The following MXI1 variants were observed in gnomAD, a reference collection of about 807,000 sequenced individuals.
MXI1 encodes MAX interactor 1, dimerization protein, also known as max-interacting protein 1.
A neutral mutation model predicts 36.9 loss-of-function variants in MXI1; 18 were observed. The ratio of observed to expected loss-of-function variants is 0.49; its 90% confidence interval spans 0.34 to 0.72. The LOEUF (loss-of-function observed/expected upper bound fraction) is 0.72. Ranked by LOEUF, MXI1 falls within the 30% of genes least tolerant of loss-of-function variation. MXI1 has a pLI of 0.01. For missense variants in MXI1, 304 were observed against 379.1 expected (o/e 0.80, Z 1.64); for synonymous variants, 160 against 146.7 (o/e 1.09, Z -0.65).
In MXI1 at chr10:110,286,029, A is replaced by G. The variant is rs1398506296; in HGVS notation, c.*1042A>G. ...TTTGATGCAGCATTTGATAATGATA[A>G]AACACCTCACACCTCACTCTTTATA... On this transcript the variant is annotated 3_prime_UTR_variant, in exon 6 of 6. Transcript: ENST00000332674. The G allele has an allele frequency of 6.6e-6, 1 of 152,642 alleles. No homozygotes were observed. Among genetic ancestry groups the G allele is most frequent in the Non-Finnish European group, 1.5e-5 (1 of 68,034 alleles). The allele number at this position is 152,642 out of a possible 1,614,324, so 9.5% of individuals were successfully genotyped here. A position where few individuals can be genotyped will look rare whatever the true frequency, so the allele number is the denominator to read the frequency against.
intron 1 of MXI1, among the ~76,000 whole-genome samples, chr10:110,209,819 C>T (rs896499002): frequency 3.9e-5 from 6 of 152,142 alleles, no homozygotes; most frequent in Non-Finnish European, 8.8e-5. Context: ...CCCCCATCCC[C>T]GGCTACCAGT....
intron 2 of MXI1, among the ~76,000 whole-genome samples, chr10:110,238,652 T>G (rs1049987090): frequency 6.6e-6 from 1 of 152,208 alleles, no homozygotes; most frequent in Non-Finnish European, 1.5e-5. Flanking sequence ...CTTAAATGCC[T>G]GGTAAAATTT....
intron 1 of MXI1, among the ~76,000 whole-genome samples, chr10:110,218,449 CAAA>C (rs5787839): frequency 2.9e-5 from 4 of 139,222 alleles, no homozygotes; most frequent in African/African-American, 2.6e-5. Context: ...GACTCCATCT[CAAA>C]AAAAAAAAAA....
At chr10:110,253,485 T>C (rs1241316078) in intron 3 of MXI1, among the ~76,000 whole-genome samples, 1 of 152,116 alleles carries the variant, frequency 6.6e-6, no homozygotes, top group African/African-American at 2.4e-5. Flanking sequence ...TTTTAAGATA[T>C]TTGTTTAAAA....
intron 1 of MXI1, chr10:110,227,555 A>G: frequency 1.0e-6 from 1 of 981,118 alleles, no homozygotes; most frequent in Non-Finnish European, 1.2e-6. Context: ...GCTGGGAGAT[A>G]AGAGGAAGGA....
intron 3 of MXI1, among the ~76,000 whole-genome samples, chr10:110,250,280 T>C (rs1477793418): frequency 6.6e-6 from 1 of 152,166 alleles, no homozygotes; most frequent in Non-Finnish European, 1.5e-5. Flanking sequence ...CAACAGGTCA[T>C]AATAGGCCTA....
At chr10:110,271,676 G>C (rs1235214931) in intron 3 of MXI1, among the ~76,000 whole-genome samples, 2 of 152,206 alleles carry the variant, frequency 1.3e-5, no homozygotes, top group Non-Finnish European at 2.9e-5. Context: ...AATGAGGCTG[G>C]AAAGGTGGTA....
chr10:110,284,485 A>C (rs1223772197), intron 5 of MXI1, among the ~76,000 whole-genome samples: 2 of 152,356 alleles, frequency 1.3e-5, no homozygotes, highest in East Asian at 3.9e-4. Context: ...TTGTGGTTTA[A>C]TGCAAAACAG....
chr10:110,213,949 G>A (rs988125142), intron 1 of MXI1, among the ~76,000 whole-genome samples: 1 of 152,202 alleles, frequency 6.6e-6, no homozygotes, highest in Non-Finnish European at 1.5e-5. Flanking sequence ...CAAGTATGGG[G>A]CTATGCATTC....
intron 3 of MXI1, among the ~76,000 whole-genome samples, chr10:110,260,214 G>T (rs1254191603): frequency 1.3e-5 from 2 of 151,970 alleles, no homozygotes; most frequent in Admixed American, 6.6e-5. Flanking sequence ...CTACTGATAG[G>T]TTGTGAATGT....
intron 3 of MXI1, among the ~76,000 whole-genome samples, chr10:110,246,000 TA>T (rs1167270950): frequency 6.6e-6 from 1 of 151,794 alleles, no homozygotes; most frequent in Admixed American, 6.6e-5. Context: ...ATTGTAAGAG[TA>T]AAATACTTTC....
chr10:110,242,412 C>G (rs12412423), intron 2 of MXI1, among the ~76,000 whole-genome samples: 13,377 of 151,830 alleles, frequency 0.088, 1,099 homozygotes, highest in East Asian at 0.29. Flanking sequence ...GGTAAAAACC[C>G]ATCAAAATAG....
intron 5 of MXI1, among the ~76,000 whole-genome samples, chr10:110,282,698 C>A (rs548309147): frequency 2.6e-5 from 4 of 152,138 alleles, no homozygotes; most frequent in South Asian, 4.2e-4. Context: ...TTTAGCGGTA[C>A]CTTACCAAGT....
At chr10:110,253,680 A>G (rs944040343) in intron 3 of MXI1, among the ~76,000 whole-genome samples, 2 of 152,078 alleles carry the variant, frequency 1.3e-5, no homozygotes, top group Admixed American at 6.6e-5. Flanking sequence ...CTTTTATTCT[A>G]GGTTTGAAAT....
intron 2 of MXI1, among the ~76,000 whole-genome samples, chr10:110,233,482 C>T (rs1855344879): frequency 6.6e-6 from 1 of 151,732 alleles, no homozygotes; most frequent in Non-Finnish European, 1.5e-5. Flanking sequence ...TGAATGAAGC[C>T]TTATTTTTAT....
At chr10:110,274,063 G>A (rs1337485671) in intron 3 of MXI1, among the ~76,000 whole-genome samples, 1 of 152,196 alleles carries the variant, frequency 6.6e-6, no homozygotes, top group Non-Finnish European at 1.5e-5. Flanking sequence ...ACAGCTACTA[G>A]TAGAGGCCAT....
intron 2 of MXI1, among the ~76,000 whole-genome samples, chr10:110,242,280 T>A (rs976492729): frequency 6.6e-6 from 1 of 152,064 alleles, no homozygotes; most frequent in Non-Finnish European, 1.5e-5. Context: ...TTATTTTGCC[T>A]TCAGTTATAA....
intron 3 of MXI1, among the ~76,000 whole-genome samples, chr10:110,273,770 T>C (rs1161953274): frequency 6.6e-6 from 1 of 152,168 alleles, no homozygotes; most frequent in Non-Finnish European, 1.5e-5. Context: ...TTTGATTTAG[T>C]TATCTGGTAA....
At chr10:110,283,082 A>G (rs2134480608) in intron 5 of MXI1, among the ~76,000 whole-genome samples, 1 of 152,292 alleles carries the variant, frequency 6.6e-6, no homozygotes, top group African/African-American at 2.4e-5. Flanking sequence ...GTGCTGGGAA[A>G]CAATGGCTTC....
Sources: gnomAD v4.1 joint callset for allele counts (sites outside exome capture counted in the v4.1 genomes callset) on GRCh38, gnomAD v4.1.1 for gene constraint, MANE v1.5 for transcripts, NCBI Gene and HGNC (gene_info 2026-07-23, HGNC 2026-07-21) for gene names.